SYN3: variants seen among roughly 807,000 people sequenced by gnomAD.
The protein encoded by SYN3 is synapsin III.
In SYN3, 35 loss-of-function variants were observed where a neutral mutation model predicts 65.8. The observed-to-expected ratio is 0.53, with a 90% CI of 0.41 to 0.70. SYN3 has a LOEUF of 0.70. Ranked by LOEUF, SYN3 falls within the 30% of genes least tolerant of loss-of-function variation. The pLI is 0.00. For synonymous variants in SYN3, 270 were observed against 292.9 expected, an observed-to-expected ratio of 0.92 and a Z score of 0.80; for missense variants, 680 against 749.0, an observed-to-expected ratio of 0.91 and a Z score of 1.08.
At chr22:32,528,738 C>T (rs1399934729) in intron 11 of SYN3, 136 bp downstream of exon 11, 5 of 1,262,610 alleles carry the variant, frequency 4.0e-6, no homozygotes, top group East Asian at 2.5e-5. Context: ...GTCTGGCCTT[C>T]GTCCACACCC....
At chr22:33,036,398 A>G (rs1197778347) in intron 1 of SYN3, among the ~76,000 whole-genome samples, 2 of 152,126 alleles carry the variant, frequency 1.3e-5, no homozygotes, top group Admixed American at 1.3e-4. Context: ...GATATAAGAA[A>G]AGCTCTCTGC....
At position 32,801,978 on chromosome 22, in the gene SYN3, C is replaced by A; in HGVS notation, c.711+62937G>T. 2 of 1,581,418 alleles carry A rather than the reference C, an allele frequency of 1.3e-6. No individual in the cohort carries two copies. Among genetic ancestry groups the A allele is most frequent in the Non-Finnish European group, 1.7e-6 (2 of 1,171,044 alleles). On this transcript the variant is annotated intron_variant, in intron 6 of 13. Transcript: ENST00000358763. This position sits in a 1 kb window ranked among gnomAD's most constrained non-coding sequence, Gnocchi z 4.7. Reference sequence around the variant, plus strand: ...AACTTTGGAGAGGCGAGCAGCAGCCCCGGCAGCGGCGGCAGCAGCGGCAAT... The same window carrying A: ...AACTTTGGAGAGGCGAGCAGCAGCCACGGCAGCGGCGGCAGCAGCGGCAAT...
At chr22:32,521,514 G>A (rs1045333439) in intron 12 of SYN3, among the ~76,000 whole-genome samples, 10 of 139,732 alleles carry the variant, frequency 7.2e-5, no homozygotes, top group Admixed American at 6.4e-4. Context: ...GCGCGATCTC[G>A]GCTCACTGCA....
At chr22:33,021,787 T>A (rs12159470) in intron 1 of SYN3, among the ~76,000 whole-genome samples, 22 of 14,392 alleles carry the variant, frequency 1.5e-3, no homozygotes, top group African/African-American at 2.9e-3. Context: ...GTAACTTATT[T>A]TTTTTTTTTT....
intron 4 of SYN3, among the ~76,000 whole-genome samples, chr22:32,887,846 A>C (rs1412952084): frequency 6.6e-6 from 1 of 152,056 alleles, no homozygotes; most frequent in Non-Finnish European, 1.5e-5. Flanking sequence ...AACATATTTC[A>C]TTTTTCTTGG....
intron 1 of SYN3, among the ~76,000 whole-genome samples, chr22:33,028,979 G>T (rs1277865902): frequency 1.3e-5 from 2 of 151,844 alleles, no homozygotes; most frequent in Non-Finnish European, 2.9e-5. Flanking sequence ...GGCAGAGCTT[G>T]CAGTGAGCCA....
intron 6 of SYN3, among the ~76,000 whole-genome samples, chr22:32,640,396 C>T (rs2146876384): frequency 6.6e-6 from 1 of 152,276 alleles, no homozygotes; most frequent in African/African-American, 2.4e-5. Flanking sequence ...CATTATTAAT[C>T]TCATTTAGAT....
At chr22:32,742,048 C>A (rs554854370) in intron 6 of SYN3, among the ~76,000 whole-genome samples, 1 of 151,784 alleles carries the variant, frequency 6.6e-6, no homozygotes, top group African/African-American at 2.4e-5. Context: ...CCGAGGCAGG[C>A]GGATCACGAG....
intron 6 of SYN3, chr22:32,857,376 A>T: frequency 1.3e-6 from 2 of 1,599,276 alleles, no homozygotes; most frequent in Non-Finnish European, 1.7e-6. Flanking sequence ...GGCCAACTCT[A>T]GCTTCTAGGC....
rs189788198 is a variant in SYN3, at chr22:32,856,634, C to A, written c.711+8281G>T. 2.6e-5 allele frequency among the ~76,000 whole-genome samples: 4 copies of A among 152,254 alleles called. No homozygotes were observed. In the East Asian group the frequency reaches 7.7e-4, roughly 29 times the overall value. Reference sequence around the variant, plus strand: ...ATCAGGGTAATTGGGATATTCATAACCTTAAACATTTATCGTTTCTTCATG... The same window carrying A: ...ATCAGGGTAATTGGGATATTCATAAACTTAAACATTTATCGTTTCTTCATG... On this transcript the variant is annotated intron_variant, in intron 6 of 13. Transcript: ENST00000358763.
At chr22:32,663,305 C>T (rs2060241788) in intron 6 of SYN3, among the ~76,000 whole-genome samples, 1 of 132,582 alleles carries the variant, frequency 7.5e-6, no homozygotes, top group Non-Finnish European at 1.5e-5. Context: ...TTCTTTTCTT[C>T]TCTTTTTTTT....
chr22:32,950,729 A>C (rs973230122), intron 3 of SYN3, among the ~76,000 whole-genome samples: 1 of 152,160 alleles, frequency 6.6e-6, no homozygotes, highest in Non-Finnish European at 1.5e-5. Context: ...GCTTAGTTCT[A>C]AAGCCTAAAC....
At chr22:32,878,412 A>G (rs2049036266) in intron 4 of SYN3, among the ~76,000 whole-genome samples, 1 of 152,114 alleles carries the variant, frequency 6.6e-6, no homozygotes, top group South Asian at 2.1e-4. Context: ...TTCTCCTCCA[A>G]TGCCTCATGC....
chr22:32,521,110 A>G (rs1197318809), intron 12 of SYN3, among the ~76,000 whole-genome samples: 1 of 152,236 alleles, frequency 6.6e-6, no homozygotes, highest in Non-Finnish European at 1.5e-5. Flanking sequence ...AGGGCCAACC[A>G]GGTATGTAAA....
intron 3 of SYN3, among the ~76,000 whole-genome samples, chr22:32,976,939 A>T (rs917332793): frequency 6.6e-6 from 1 of 151,416 alleles, no homozygotes; most frequent in Non-Finnish European, 1.5e-5. Flanking sequence ...CAGACTAAAC[A>T]GTGGCTTCCG....
At chr22:32,998,918 T>C (rs2052977714) in intron 2 of SYN3, among the ~76,000 whole-genome samples, 1 of 151,080 alleles carries the variant, frequency 6.6e-6, no homozygotes, top group South Asian at 2.1e-4. Context: ...AAATAGAAAC[T>C]CCTCCACCGT....
At chr22:32,569,896 C>T (rs190054683) in intron 7 of SYN3, among the ~76,000 whole-genome samples, 20 of 152,218 alleles carry the variant, frequency 1.3e-4, no homozygotes, top group Admixed American at 1.2e-3. Context: ...TGTCATTAAC[C>T]GTAAGCACCT....
chr22:33,050,084 T>A (rs2054137378), intron 1 of SYN3, among the ~76,000 whole-genome samples: 1 of 152,178 alleles, frequency 6.6e-6, no homozygotes, highest in Non-Finnish European at 1.5e-5. Context: ...TCCAAACACC[T>A]AAGACAGGGA....
intron 3 of SYN3, among the ~76,000 whole-genome samples, chr22:32,949,428 AG>A (rs2146813776): frequency 6.6e-6 from 1 of 151,848 alleles, no homozygotes; most frequent in South Asian, 2.1e-4. Flanking sequence ...AAAAAAAAAA[AG>A]TTTTGGGTTT....
Sources: gnomAD v4.1 joint callset for allele counts (sites outside exome capture counted in the v4.1 genomes callset) on GRCh38, gnomAD v4.1.1 for gene constraint, Gnocchi (gnomAD v3.1) non-coding constraint, MANE v1.5 for transcripts, NCBI Gene and HGNC (gene_info 2026-07-23, HGNC 2026-07-21) for gene names.